SAMD5: variants seen among roughly 807,000 people sequenced by gnomAD.
SAMD5 encodes sterile alpha motif domain containing 5, also known as sterile alpha motif domain-containing protein 5.
A neutral mutation model predicts 11.3 loss-of-function variants in SAMD5; 13 were observed. The ratio of observed to expected loss-of-function variants is 1.15; its 90% CI spans 0.75 to 1.83. The LOEUF is 1.83. Ranked by LOEUF, SAMD5 falls within the 40% of genes most tolerant of loss-of-function variation. The probability of loss-of-function intolerance (pLI) is 0.00; values close to 1 mark genes in which losing one functional copy is unlikely to be tolerated. For missense variants in SAMD5, 255 were observed against 239.1 expected (o/e 1.07, Z -0.44); for synonymous variants, 129 against 111.3 (o/e 1.16, Z -1.00).
intron 1 of SAMD5, among the ~76,000 whole-genome samples, chr6:147,668,238 G>A (rs183495348): frequency 6.6e-6 from 1 of 152,214 alleles, no homozygotes; most frequent in East Asian, 1.9e-4. Flanking sequence ...ACATACGTAT[G>A]TAGATCAGAA....
At chr6:147,895,480 C>T in the SAMD5 span, among the ~76,000 whole-genome samples, 3 of 152,156 alleles carry the variant, frequency 2.0e-5, no homozygotes, top group Non-Finnish European at 4.4e-5. Context: ...GATGATGACA[C>T]ATTTGCCAGG....
intron 1 of SAMD5, among the ~76,000 whole-genome samples, chr6:147,540,084 TTC>T (rs1788575692): frequency 6.6e-6 from 1 of 152,188 alleles, no homozygotes; most frequent in Non-Finnish European, 1.5e-5. Flanking sequence ...TTTCTTTTTT[TTC>T]TCTCTCTTTT....
the SAMD5 span, among the ~76,000 whole-genome samples, chr6:147,838,541 C>CT: frequency 6.9e-6 from 1 of 145,684 alleles, no homozygotes; most frequent in African/African-American, 2.5e-5. Context: ...GCCCCCCCCC[C>CT]GTAGTTATTG....
the SAMD5 span, among the ~76,000 whole-genome samples, chr6:147,942,823 C>CT: frequency 6.4e-4 from 83 of 128,842 alleles, 4 homozygotes; most frequent in East Asian, 1.6e-3. Flanking sequence ...CCCAATGCTT[C>CT]TTTTTTTTTT....
chr6:147,782,142 A>C, the SAMD5 span, among the ~76,000 whole-genome samples: 1 of 151,928 alleles, frequency 6.6e-6, no homozygotes, highest in Non-Finnish European at 1.5e-5. Flanking sequence ...AGGAAAAAAA[A>C]AAAAAACTAA....
chr6:147,652,289 T>TTGG (rs1790496758), intron 1 of SAMD5, among the ~76,000 whole-genome samples: 2 of 152,148 alleles, frequency 1.3e-5, no homozygotes, highest in Admixed American at 6.5e-5. Context: ...TTTTTGTTTG[T>TTGG]TTGGTTGGTT....
chr6:147,913,274 G>A, the SAMD5 span, among the ~76,000 whole-genome samples: 1 of 152,294 alleles, frequency 6.6e-6, no homozygotes, highest in South Asian at 2.1e-4. Context: ...CCTGTCCTCA[G>A]TATCGGGCAG....
At chr6:147,793,311 C>A in the SAMD5 span, among the ~76,000 whole-genome samples, 2 of 152,120 alleles carry the variant, frequency 1.3e-5, no homozygotes, top group Non-Finnish European at 2.9e-5. Flanking sequence ...TACAAAATGC[C>A]TAACTAGTAC....
chr6:147,813,441 T>C, the SAMD5 span, among the ~76,000 whole-genome samples: 8 of 152,218 alleles, frequency 5.3e-5, no homozygotes, highest in African/African-American at 1.9e-4. Context: ...TTTGTCTGTG[T>C]TTTCATTCCA....
At chr6:147,781,014 G>A in the SAMD5 span, among the ~76,000 whole-genome samples, 3 of 152,164 alleles carry the variant, frequency 2.0e-5, no homozygotes, top group African/African-American at 7.2e-5. Context: ...GGGCAGCAAA[G>A]AGCAAAGGAG....
chr6:147,865,497 G>T, the SAMD5 span, among the ~76,000 whole-genome samples: 1 of 152,134 alleles, frequency 6.6e-6, no homozygotes, highest in Non-Finnish European at 1.5e-5. Context: ...ACATTTGCAG[G>T]CTTTGCCTCT....
At chr6:147,843,556 A>G in the SAMD5 span, among the ~76,000 whole-genome samples, 87 of 152,202 alleles carry the variant, frequency 5.7e-4, no homozygotes, top group Non-Finnish European at 9.7e-4. Flanking sequence ...ACCAAAAGGG[A>G]CAAAGCTGGG....
chr6:147,877,253 A>G, the SAMD5 span, among the ~76,000 whole-genome samples: 1 of 152,188 alleles, frequency 6.6e-6, no homozygotes, highest in African/African-American at 2.4e-5. Context: ...CTGTCAAGAA[A>G]GATTTAAAAA....
chr6:147,640,497 CAAAA>C (rs1172694444), intron 1 of SAMD5, among the ~76,000 whole-genome samples: 7 of 24,188 alleles, frequency 2.9e-4, no homozygotes, highest in South Asian at 4.5e-3. Flanking sequence ...GACTCTGTCG[CAAAA>C]AAAAAAAAAA....
chr6:147,632,409 A>G (rs1162403876), intron 1 of SAMD5, among the ~76,000 whole-genome samples: 1 of 152,174 alleles, frequency 6.6e-6, no homozygotes, highest in Non-Finnish European at 1.5e-5. Context: ...GGCTCGAGTT[A>G]AGGCAATGAG....
intron 1 of SAMD5, among the ~76,000 whole-genome samples, chr6:147,631,316 C>T (rs956376123): frequency 6.6e-6 from 1 of 152,174 alleles, no homozygotes; most frequent in African/African-American, 2.4e-5. Flanking sequence ...GGACCCAGGA[C>T]ATCCAATTAG....
rs187639907 is a variant in SAMD5, at chr6:147,690,420, G to A, written c.163-46897G>A. 6.0e-3 allele frequency among the ~76,000 whole-genome samples: 914 copies of A among 152,250 alleles called. 11 individuals are homozygous for A. Among genetic ancestry groups the A allele is most frequent in the African/African-American group, 0.021 (858 of 41,534 alleles). ...CATGCCCATAATTCCAACACTTTGG[G>A]AGGCTGAGGCAGGCAGATCACTTTA... On this transcript the variant is annotated intron_variant, in intron 1 of 1. Transcript: ENST00000566741.
rs901338921 is a variant in SAMD5 at position 147,654,791 on chromosome 6, A to AT, written c.163-82526_163-82525insT. Among the ~76,000 whole-genome samples, 151 of 151,100 alleles carry AT rather than the reference A, an allele frequency of 1.0e-3. 1 individual carries two copies. The highest frequency in any genetic ancestry group is 3.4e-3 in the African/African-American group (140 of 41,178). The stretch of plus-strand genomic sequence containing the variant: ...ACTATCTTTTTCTCAAAAAAAAAAA[A>AT]ATATAAAACAAAGTGCAGGAAACCC... On this transcript the variant is annotated intron_variant, in intron 1 of 1. Coordinates refer to the SAMD5 transcript ENST00000566741.
chr6:147,748,882 G>T, the SAMD5 span, among the ~76,000 whole-genome samples: 1 of 152,184 alleles, frequency 6.6e-6, no homozygotes, highest in South Asian at 2.1e-4. Flanking sequence ...TATATGGGTT[G>T]AACCAACCTG....
Sources: allele counts gnomAD v4.1 joint callset (sites outside exome capture counted in the v4.1 genomes callset), GRCh38; gene constraint gnomAD v4.1.1; transcripts MANE v1.5; gene names NCBI Gene and HGNC (gene_info 2026-07-23, HGNC 2026-07-21).